Variants in NUDT3 observed in about 807,000 individuals in gnomAD.
The protein encoded by NUDT3 is nudix hydrolase 3.
In NUDT3, 9 loss-of-function variants were observed where a neutral mutation model predicts 23.6. The ratio of observed to expected loss-of-function variants is 0.38; its 90% CI spans 0.23 to 0.66. The LOEUF is 0.66. NUDT3 is among the 30% of genes least tolerant of loss of function. The pLI is 0.52. For synonymous variants in NUDT3, 86 were observed against 82.6 expected, an observed-to-expected ratio of 1.04 and a Z score of -0.22; for missense variants, 172 against 218.5, an observed-to-expected ratio of 0.79 and a Z score of 1.34.
At chr6:34,340,574 GGTTCTACCC>G (rs1046023654) in intron 2 of NUDT3, among the ~76,000 whole-genome samples, 72 of 152,104 alleles carry the variant, frequency 4.7e-4, no homozygotes, top group African/African-American at 1.7e-3. Flanking sequence ...GATTCCATTT[GGTTCTACCC>G]GGGTTAGCCT....
At chr6:34,348,534 C>A (rs545147965) in intron 1 of NUDT3, among the ~76,000 whole-genome samples, 2 of 152,052 alleles carry the variant, frequency 1.3e-5, no homozygotes, top group East Asian at 3.9e-4. Flanking sequence ...TCCCAGCACT[C>A]TGGCAGGCCG....
intron 1 of NUDT3, among the ~76,000 whole-genome samples, chr6:34,391,042 C>A (rs569734170): frequency 6.6e-6 from 1 of 152,272 alleles, no homozygotes; most frequent in African/African-American, 2.4e-5. Flanking sequence ...TGAAAGGGAG[C>A]ACACATGGGA....
chr6:34,327,466 G>A (rs983287370), intron 2 of NUDT3, among the ~76,000 whole-genome samples: 1 of 150,536 alleles, frequency 6.6e-6, no homozygotes, highest in Non-Finnish European at 1.5e-5. Context: ...GGAGGTGGAG[G>A]TTGCAGTGAG....
chr6:34,295,014 CTT>C (rs1257467067), intron 3 of NUDT3, among the ~76,000 whole-genome samples: 1 of 152,112 alleles, frequency 6.6e-6, no homozygotes, highest in Non-Finnish European at 1.5e-5. Context: ...TTTTTCCTCT[CTT>C]TGTTATAGTT....
rs1210117910 is a variant in NUDT3, at chr6:34,306,943, G to A, written c.211-11258C>T. ...ACTAAGGAGCAATTCTTTTTTAAACGCTACTAGCTTTTGAGATAAATTATA... is the reference window on the plus strand; with the variant it reads ...ACTAAGGAGCAATTCTTTTTTAAACACTACTAGCTTTTGAGATAAATTATA... On this transcript the variant is annotated intron_variant, in intron 2 of 4. Coordinates refer to ENST00000607016, the MANE Select transcript of NUDT3 (RefSeq NM_006703.4). 2.6e-5 allele frequency among the ~76,000 whole-genome samples: 4 copies of A among 152,128 alleles called. No homozygotes were observed. In the South Asian group the frequency reaches 8.3e-4, roughly 31 times the overall value.
intron 1 of NUDT3, among the ~76,000 whole-genome samples, chr6:34,352,358 C>A (rs1183486461): frequency 1.3e-5 from 2 of 152,128 alleles, no homozygotes; most frequent in Non-Finnish European, 2.9e-5. Context: ...TTTGTAGAGA[C>A]AGGGTTTCAC....
chr6:34,358,258 T>TAC (rs71538235), intron 1 of NUDT3, among the ~76,000 whole-genome samples: 9,034 of 144,564 alleles, frequency 0.062, 296 homozygotes, highest in African/African-American at 0.087. Flanking sequence ...ATGAGTAGTT[T>TAC]ACACACACAC....
At chr6:34,363,366 G>A (rs891507587) in intron 1 of NUDT3, among the ~76,000 whole-genome samples, 7 of 152,166 alleles carry the variant, frequency 4.6e-5, no homozygotes, top group Admixed American at 4.6e-4. Context: ...AGGCAACTAT[G>A]CAAAAGAGAT....
intron 2 of NUDT3, among the ~76,000 whole-genome samples, chr6:34,297,109 T>C (rs1172932370): frequency 6.6e-6 from 1 of 151,758 alleles, no homozygotes; most frequent in African/African-American, 2.4e-5. Flanking sequence ...TTTTTTCTAT[T>C]TTTTAGTAGA....
At chr6:34,382,708 G>A (rs117667444) in intron 1 of NUDT3, among the ~76,000 whole-genome samples, 11,210 of 151,920 alleles carry the variant, frequency 0.074, 1,232 homozygotes, top group East Asian at 0.43. Context: ...GTGCATGCCT[G>A]TAATCTTAGC....
chr6:34,337,271 G>T (rs1423748067), intron 2 of NUDT3, among the ~76,000 whole-genome samples: 1 of 152,172 alleles, frequency 6.6e-6, no homozygotes, highest in Non-Finnish European at 1.5e-5. Context: ...TCAAAGTCAG[G>T]AAGGATTCTT....
rs918091113 is a variant in NUDT3 at position 34,287,605 on chromosome 6, T to C, written c.*1148A>G. 6.6e-6 allele frequency: 1 copy of C among 152,228 alleles called. No homozygotes were observed. The allele number at this position is 152,228 out of a possible 1,614,324, so 9.4% of individuals were successfully genotyped here. The stretch of plus-strand genomic sequence containing the variant: ...AGACAAGCAAGCAGGTGAATTTCCC[T>C]AGTGTACTTTTCAGGAACACGGTTA... On this transcript the variant is annotated 3_prime_UTR_variant, in exon 5 of 5. Coordinates refer to ENST00000607016, the MANE Select transcript of NUDT3 (RefSeq NM_006703.4).
Position 34,392,471 on chromosome 6 carries a change from G to A in NUDT3, c.-109C>T. The A allele has an allele frequency of 2.9e-6, 2 of 696,856 alleles. No homozygotes were observed. Among genetic ancestry groups the A allele is most frequent in the Non-Finnish European group, 4.7e-6 (2 of 421,886 alleles). The allele number at this position is 696,856 out of a possible 1,614,324, so 43.2% of individuals were successfully genotyped here. ...GCCCCCGGCTCGGCCAAGGGAAGCA[G>A]GGAGGGGGAGCTTCTCCGCTACACG... On this transcript the variant is annotated 5_prime_UTR_variant, in exon 1 of 5. Transcript: ENST00000607016.
intron 1 of NUDT3, among the ~76,000 whole-genome samples, chr6:34,372,507 T>C (rs1361934538): frequency 6.6e-6 from 1 of 152,178 alleles, no homozygotes; most frequent in African/African-American, 2.4e-5. Flanking sequence ...GTCACTTTTT[T>C]TTTAAGTGTA....
intron 1 of NUDT3, among the ~76,000 whole-genome samples, chr6:34,351,596 G>C (rs1162193213): frequency 6.7e-6 from 1 of 149,436 alleles, no homozygotes; most frequent in Non-Finnish European, 1.5e-5. Flanking sequence ...ACAAAAATTA[G>C]CTGGGCGTGG....
chr6:34,358,258 T>C (rs1581888484), intron 1 of NUDT3, among the ~76,000 whole-genome samples: 1 of 144,604 alleles, frequency 6.9e-6, no homozygotes, highest in African/African-American at 2.5e-5. Context: ...ATGAGTAGTT[T>C]ACACACACAC....
chr6:34,308,583 T>C (rs767737883), intron 2 of NUDT3, among the ~76,000 whole-genome samples: 6 of 151,352 alleles, frequency 4.0e-5, no homozygotes, highest in Non-Finnish European at 8.8e-5. Flanking sequence ...ACCTTGAAAG[T>C]AAAGGGATGG....
rs1763297664 is a variant in NUDT3, at chr6:34,283,211, T to C, written c.*5542A>G. The C allele has an allele frequency of 6.7e-6, 1 of 149,364 alleles. No individual in the cohort carries two copies. Among genetic ancestry groups the C allele is most frequent in the South Asian group, 2.1e-4 (1 of 4,658 alleles). 9.3% of individuals were successfully genotyped at this position (149,364 alleles called of 1,614,324 possible). A position where few individuals can be genotyped will look rare whatever the true frequency, so the allele number is the denominator to read the frequency against. On this transcript the variant is annotated 3_prime_UTR_variant, in exon 5 of 5. Coordinates refer to ENST00000607016, the MANE Select transcript of NUDT3 (RefSeq NM_006703.4). ...GATTCCCTTCCCTTTTCTTTTTTTT[T>C]TTTTTTTTTTTGAGACGGAGTCTTG...
intron 1 of NUDT3, among the ~76,000 whole-genome samples, chr6:34,370,144 G>T (rs1053965929): frequency 6.6e-6 from 1 of 152,170 alleles, no homozygotes; most frequent in Non-Finnish European, 1.5e-5. Flanking sequence ...ATGACCATTT[G>T]CACCTGCCCT....
Sources: allele counts gnomAD v4.1 joint callset (sites outside exome capture counted in the v4.1 genomes callset), GRCh38; gene constraint gnomAD v4.1.1; transcripts MANE v1.5; gene names NCBI Gene and HGNC (gene_info 2026-07-23, HGNC 2026-07-21).